Variants in C10orf90 observed in about 807,000 individuals in gnomAD.
C10orf90 encodes the protein (E2-independent) E3 ubiquitin-conjugating enzyme FATS.
A neutral mutation model predicts 62.5 loss-of-function variants in C10orf90; 56 were observed. That is an observed-to-expected ratio of 0.90 (90% CI 0.72 to 1.12). The LOEUF (loss-of-function observed/expected upper bound fraction) is 1.12, where lower values mean the gene tolerates loss of function less well. Ranked by LOEUF, C10orf90 falls within the 50% of genes most tolerant of loss-of-function variation. The pLI is 0.00. For missense variants in C10orf90, 970 were observed against 880.4 expected (o/e 1.10, Z -1.29); for synonymous variants, 386 against 340.4 (o/e 1.13, Z -1.47).
intron 4 of C10orf90, among the ~76,000 whole-genome samples, chr10:126,490,168 C>T (rs1211233090): frequency 2.3e-5 from 3 of 130,214 alleles, no homozygotes; most frequent in Admixed American, 1.6e-4. Context: ...TATACACATG[C>T]AGTTAGAATA....
chr10:126,446,467 G>T (rs1858787283), intron 7 of C10orf90, among the ~76,000 whole-genome samples: 1 of 152,056 alleles, frequency 6.6e-6, no homozygotes, highest in Non-Finnish European at 1.5e-5. Context: ...GGCCTGAAAA[G>T]AGTGGGATGA....
chr10:126,431,261 T>C (rs562537058), intron 7 of C10orf90, among the ~76,000 whole-genome samples: 1 of 152,266 alleles, frequency 6.6e-6, no homozygotes, highest in Admixed American at 6.5e-5. Flanking sequence ...CATGGTCTTC[T>C]GGAGAGAAGT....
At chr10:126,578,667 A>G (rs1844677580) in intron 2 of C10orf90, among the ~76,000 whole-genome samples, 1 of 152,230 alleles carries the variant, frequency 6.6e-6, no homozygotes, top group Admixed American at 6.5e-5. Context: ...AATGTACATC[A>G]CAGCTGTGTT....
intron 4 of C10orf90, among the ~76,000 whole-genome samples, chr10:126,477,076 A>ATTTTTTTTTTTTTTTTTTTTTTTTTTT (rs551973906): frequency 1.8e-5 from 1 of 56,434 alleles, no homozygotes; most frequent in Non-Finnish European, 3.2e-5. Context: ...CGCCTGGCTA[A>ATTTTTTTTTTTTTTTTTTTTTTTTTTT]TTTTTTTTTT....
At chr10:126,641,415 G>A (rs1328111426) in intron 2 of C10orf90, among the ~76,000 whole-genome samples, 1 of 152,110 alleles carries the variant, frequency 6.6e-6, no homozygotes, top group Non-Finnish European at 1.5e-5. Flanking sequence ...TTTAAAAACT[G>A]AAGGTTGTAA....
chr10:126,662,443 G>C (rs1340401863), intron 1 of C10orf90, among the ~76,000 whole-genome samples: 1 of 152,144 alleles, frequency 6.6e-6, no homozygotes, highest in Non-Finnish European at 1.5e-5. Flanking sequence ...TTAATTTTCA[G>C]CCAGACTTAA....
At chr10:126,579,275 C>CTTTT (rs35287358) in intron 2 of C10orf90, among the ~76,000 whole-genome samples, 1 of 124,592 alleles carries the variant, frequency 8.0e-6, no homozygotes, top group Admixed American at 7.7e-5. Flanking sequence ...TTCTTTCTTT[C>CTTTT]TTTTTTTTTT....
At chr10:126,427,481 G>T (rs1857329202) in intron 8 of C10orf90, among the ~76,000 whole-genome samples, 1 of 152,176 alleles carries the variant, frequency 6.6e-6, no homozygotes, top group South Asian at 2.1e-4. Context: ...AGAGGAGATT[G>T]GCATTTCAGT....
At chr10:126,602,022 GC>G (rs1845208307) in intron 2 of C10orf90, among the ~76,000 whole-genome samples, 1 of 152,230 alleles carries the variant, frequency 6.6e-6, no homozygotes, top group African/African-American at 2.4e-5. Flanking sequence ...TGGTCCAACA[GC>G]CATCTTTCAC....
At chr10:126,510,941 C>T (rs1159695147) in intron 3 of C10orf90, among the ~76,000 whole-genome samples, 1 of 152,240 alleles carries the variant, frequency 6.6e-6, no homozygotes, top group Admixed American at 6.5e-5. Flanking sequence ...GAATAAGGCT[C>T]TCCTCCCATC....
chr10:126,450,238 A>T (rs1859087933), intron 7 of C10orf90, among the ~76,000 whole-genome samples: 1 of 152,212 alleles, frequency 6.6e-6, no homozygotes, highest in Non-Finnish European at 1.5e-5. Context: ...ATGCTCACAG[A>T]TTTGCAGAAT....
intron 7 of C10orf90, among the ~76,000 whole-genome samples, chr10:126,449,657 T>A (rs545024059): frequency 3.9e-5 from 6 of 152,108 alleles, no homozygotes; most frequent in African/African-American, 1.4e-4. Flanking sequence ...AAAACAGAAA[T>A]AATAAACAAA....
Position 126,670,322 on chromosome 10 carries a change from G to C in C10orf90, c.159C>G (p.Pro53=). 2.2e-6 allele frequency: 1 copy of C among 456,664 alleles called. No individual in the cohort carries two copies. Among genetic ancestry groups the C allele is most frequent in the Non-Finnish European group, 4.4e-6 (1 of 226,968 alleles). The allele number at this position is 456,664 out of a possible 1,614,324, so 28.3% of individuals were successfully genotyped here. Residue 53 remains proline, a synonymous_variant, in exon 1 of 10, where the codon CCC becomes CCG. Coordinates refer to ENST00000488181, the MANE Select transcript of C10orf90 (RefSeq NM_001350921.2). The stretch of plus-strand genomic sequence containing the variant: ...TACAAACTTTGGCTCTTCTCTGGGA[G>C]GGAAACCAGTTACTCTTCACAAAAT... ...VMDFVKSNWF[P]SQRRAKVCII... is the part of the protein sequence containing the mutation.
chr10:126,537,872 A>T (rs147034453), intron 2 of C10orf90, among the ~76,000 whole-genome samples: 7 of 152,294 alleles, frequency 4.6e-5, no homozygotes, highest in African/African-American at 1.4e-4. Context: ...TTGAAAGAGG[A>T]TTGTTGCAGG....
intron 2 of C10orf90, among the ~76,000 whole-genome samples, chr10:126,622,628 C>A (rs1475461506): frequency 6.6e-6 from 1 of 152,136 alleles, no homozygotes; most frequent in Non-Finnish European, 1.5e-5. Flanking sequence ...GGTTGAGGAC[C>A]CCTCCTTTAT....
chr10:126,570,416 A>G (rs1402055576), intron 2 of C10orf90, among the ~76,000 whole-genome samples: 1 of 152,210 alleles, frequency 6.6e-6, no homozygotes, highest in Non-Finnish European at 1.5e-5. Context: ...CAGTTAATAT[A>G]TTATGACCCA....
Position 126,425,690 on chromosome 10 carries a change from TTC to T in C10orf90, c.*172_*173del, listed in dbSNP as rs1330804891. The stretch of plus-strand genomic sequence containing the variant: ...GACCTATTTTCTCGAGGGTTATTGT[TTC>T]TGTTTGGCTTGGGTCAGTAATTCAG... On this transcript the variant is annotated 3_prime_UTR_variant, in exon 10 of 10. Coordinates refer to ENST00000488181, the MANE Select transcript of C10orf90 (RefSeq NM_001350921.2). 1 of 657,442 alleles carries T rather than the reference TTC, an allele frequency of 1.5e-6. No homozygotes were observed. Among genetic ancestry groups the T allele is most frequent in the South Asian group, 2.1e-5 (1 of 48,362 alleles). The allele number at this position is 657,442 out of a possible 1,614,324, so 40.7% of individuals were successfully genotyped here.
At chr10:126,635,017 A>T (rs1188063582) in intron 2 of C10orf90, among the ~76,000 whole-genome samples, 1 of 152,204 alleles carries the variant, frequency 6.6e-6, no homozygotes, top group African/African-American at 2.4e-5. Context: ...CTGTCCAAGA[A>T]CAAGGCCTGG....
chr10:126,566,647 G>A lies in C10orf90; in HGVS notation c.314-52708C>T, dbSNP rs193223972. ...GGCACCTTGAAGCAGGAAGGACGTC[G>A]GTTGAGGTTGAGGACCAGAAAGAGA... On this transcript the variant is annotated intron_variant, in intron 2 of 9. Transcript: ENST00000488181. Among the ~76,000 whole-genome samples the A allele has an allele frequency of 1.7e-3, 264 of 152,316 alleles. 2 individuals are homozygous for A. The highest frequency in any genetic ancestry group is 6.0e-3 in the African/African-American group (249 of 41,568).
Sources: allele counts gnomAD v4.1 joint callset (sites outside exome capture counted in the v4.1 genomes callset), GRCh38; gene constraint gnomAD v4.1.1; transcripts MANE v1.5; gene names NCBI Gene and HGNC (gene_info 2026-07-23, HGNC 2026-07-21).